Variants in PCSK5 observed in about 807,000 individuals in gnomAD.
PCSK5 encodes prohormone convertase 5.
PCSK5 carries 129 observed loss-of-function variants against 233.2 expected under a neutral mutation model. That is an observed-to-expected ratio of 0.55 (90% CI 0.48 to 0.64). The LOEUF (loss-of-function observed/expected upper bound fraction) is 0.64, where lower values mean the gene tolerates loss of function less well. Ranked by LOEUF, PCSK5 falls within the 30% of genes least tolerant of loss-of-function variation. The pLI, the probability that PCSK5 is intolerant of heterozygous loss-of-function variation, is 0.00. For synonymous variants in PCSK5, 825 were observed against 879.2 expected (o/e 0.94, Z 1.09); for missense variants, 2,076 against 2,430.1 (o/e 0.85, Z 3.06).
intron 21 of PCSK5, among the ~76,000 whole-genome samples, chr9:76,230,630 T>C (rs1826050722): frequency 6.6e-6 from 1 of 152,162 alleles, no homozygotes; most frequent in Non-Finnish European, 1.5e-5. Context: ...TGAAGCCTCG[T>C]CTGTATTTAT....
intron 3 of PCSK5, among the ~76,000 whole-genome samples, chr9:75,993,401 G>C (rs533906627): frequency 2.6e-5 from 4 of 152,238 alleles, no homozygotes; most frequent in African/African-American, 9.6e-5. Flanking sequence ...ATCTAGACTA[G>C]ATAATTTCTT....
At position 76,354,063 on chromosome 9, in the gene PCSK5, G is replaced by T; in HGVS notation, c.5098G>T (p.Glu1700Ter). The T allele has an allele frequency of 6.2e-7, 1 of 1,610,000 alleles. No individual in the cohort carries two copies. Among genetic ancestry groups the T allele is most frequent in the Non-Finnish European group, 8.5e-7 (1 of 1,178,736 alleles). Residue 1700 changes from glutamate (E) to a stop codon, truncating the protein, a stop_gained, in exon 37 of 38, where the codon GAG becomes TAG. Transcript: ENST00000674117. LOFTEE classifies it high-confidence loss of function. The part of the protein sequence containing the change: ...GEKFNCEKCH[E>*]SCMECKGPGA... Reference sequence around the variant, plus strand: ...GAAGTTTAACTGTGAAAAATGCCACGAGAGCTGCATGGAATGCAAGGGACC... The same window carrying T: ...GAAGTTTAACTGTGAAAAATGCCACTAGAGCTGCATGGAATGCAAGGGACC...
intron 5 of PCSK5, among the ~76,000 whole-genome samples, chr9:76,062,923 C>T (rs112632931): frequency 6.6e-5 from 10 of 152,112 alleles, no homozygotes; most frequent in South Asian, 4.1e-4. Flanking sequence ...ATTTTTGTAC[C>T]TATTACCCAA....
chr9:75,923,992 A>G (rs947604186), intron 1 of PCSK5, among the ~76,000 whole-genome samples: 4 of 152,078 alleles, frequency 2.6e-5, no homozygotes, highest in African/African-American at 9.7e-5. Flanking sequence ...TTTTCTTTAT[A>G]AGGACCCTTG....
At chr9:75,950,143 G>GGT (rs1824781026) in intron 2 of PCSK5, among the ~76,000 whole-genome samples, 1 of 77,064 alleles carries the variant, frequency 1.3e-5, no homozygotes, top group Admixed American at 1.6e-4. Flanking sequence ...GTGTGTGTGT[G>GGT]TGGGGGGGGC....
chr9:76,297,777 G>A (rs1828487448), intron 27 of PCSK5, among the ~76,000 whole-genome samples: 1 of 152,190 alleles, frequency 6.6e-6, no homozygotes, highest in Non-Finnish European at 1.5e-5. Context: ...AGAGAGTGCT[G>A]TACAGGAGGA....
At chr9:75,971,025 C>A (rs1338136512) in intron 2 of PCSK5, among the ~76,000 whole-genome samples, 1 of 152,136 alleles carries the variant, frequency 6.6e-6, no homozygotes, top group Non-Finnish European at 1.5e-5. Context: ...ATCAACCCAT[C>A]ACCTAGGTAT....
intron 5 of PCSK5, among the ~76,000 whole-genome samples, chr9:76,064,842 C>T (rs1252166058): frequency 6.6e-6 from 1 of 152,190 alleles, no homozygotes; most frequent in Non-Finnish European, 1.5e-5. Context: ...TCCTCACTTC[C>T]TAGATGTGAT....
At chr9:76,095,750 C>T (rs925867557) in intron 7 of PCSK5, 140 bp from the exon 8 acceptor site, 18 of 684,054 alleles carry the variant, frequency 2.6e-5, no homozygotes, top group Admixed American at 1.3e-4. Context: ...TCTTACTCCA[C>T]TCCCAGAAGC....
intron 12 of PCSK5, among the ~76,000 whole-genome samples, chr9:76,161,410 G>A (rs1587702815): frequency 6.6e-6 from 1 of 151,276 alleles, no homozygotes; most frequent in African/African-American, 2.4e-5. Context: ...CTCCAGCTGT[G>A]GTTACCGAAG....
intron 21 of PCSK5, among the ~76,000 whole-genome samples, chr9:76,229,231 T>C (rs1299493887): frequency 6.6e-6 from 1 of 152,246 alleles, no homozygotes; most frequent in African/African-American, 2.4e-5. Flanking sequence ...GGTTCTGTTT[T>C]TTCTCCAATT....
At chr9:76,273,564 A>AATAT (rs1336491411) in intron 24 of PCSK5, among the ~76,000 whole-genome samples, 3,294 of 74,644 alleles carry the variant, frequency 0.044, 102 homozygotes, top group Admixed American at 0.079. Flanking sequence ...ACAAAATAGT[A>AATAT]ATATATATAT....
intron 32 of PCSK5, 142 bp from the exon 33 acceptor site, chr9:76,327,867 C>T: frequency 2.9e-6 from 2 of 692,444 alleles, no homozygotes; most frequent in Non-Finnish European, 5.3e-6. Flanking sequence ...CAACTCATGG[C>T]CCCACACCAT....
At chr9:76,128,684 T>C (rs1822623649) in intron 9 of PCSK5, among the ~76,000 whole-genome samples, 1 of 152,144 alleles carries the variant, frequency 6.6e-6, no homozygotes, top group Admixed American at 6.6e-5. Flanking sequence ...TTACCTTTGG[T>C]TTAGAGTAAA....
intron 2 of PCSK5, among the ~76,000 whole-genome samples, chr9:75,977,282 T>TAAAC (rs1171695384): frequency 6.6e-6 from 1 of 151,946 alleles, no homozygotes; most frequent in Non-Finnish European, 1.5e-5. Context: ...GTTACGTAGG[T>TAAAC]AAACGTGTGC....
At chr9:76,053,631 A>G (rs1231447756) in intron 5 of PCSK5, among the ~76,000 whole-genome samples, 1 of 152,168 alleles carries the variant, frequency 6.6e-6, no homozygotes, top group South Asian at 2.1e-4. Flanking sequence ...ATAATGAGTC[A>G]CCTTTGCTTC....
chr9:76,338,509 T>C (rs1829743116), intron 35 of PCSK5, 62 bp downstream of exon 35: 10 of 1,224,828 alleles, frequency 8.2e-6, no homozygotes, highest in South Asian at 2.6e-5. Context: ...TTCTTCCTTA[T>C]TTGCCCCTTT....
rs139007006 is a variant in PCSK5, at chr9:75,984,232, T to C, written c.298-1900T>C. On this transcript the variant is annotated intron_variant, in intron 2 of 37. Coordinates refer to ENST00000674117, the MANE Select transcript of PCSK5 (RefSeq NM_001372043.1). ...TTCTCACATACTTATTTCATTTGTCTATTTGAATGTATGCATAGGGAGAAA... is the reference window on the plus strand; with the variant it reads ...TTCTCACATACTTATTTCATTTGTCCATTTGAATGTATGCATAGGGAGAAA... Among the ~76,000 whole-genome samples, 597 of 152,332 alleles carry C rather than the reference T, an allele frequency of 3.9e-3. 5 individuals are homozygous for C. The highest frequency in any genetic ancestry group is 7.2e-3 in the Non-Finnish European group (487 of 68,036).
intron 3 of PCSK5, among the ~76,000 whole-genome samples, chr9:75,988,264 T>C (rs1055721322): frequency 6.6e-6 from 1 of 152,166 alleles, no homozygotes. Context: ...GCTAATACTT[T>C]ATGAGGTTTT....
Sources: allele counts gnomAD v4.1 joint callset (sites outside exome capture counted in the v4.1 genomes callset), GRCh38; gene constraint gnomAD v4.1.1; transcripts MANE v1.5; gene names NCBI Gene and HGNC (gene_info 2026-07-23, HGNC 2026-07-21).